Variants in ABCC11 observed in about 807,000 individuals in gnomAD.
The protein encoded by ABCC11 is ATP binding cassette subfamily C member 11, also known as ATP-binding cassette sub-family C member 11.
ABCC11 carries 135 observed loss-of-function variants against 149.3 expected under a neutral mutation model. That is an observed-to-expected ratio of 0.90 (90% confidence interval 0.79 to 1.04). The LOEUF is 1.04. Among genes scored for constraint, ABCC11 ranks in the 50% least tolerant of loss-of-function variants. The pLI is 0.00. For synonymous variants in ABCC11, 665 were observed against 671.4 expected (o/e 0.99, Z 0.15); for missense variants, 1,680 against 1,722.1 (o/e 0.98, Z 0.43).
At chr16:48,230,338 A>T in intron 3 of ABCC11, 99 bp downstream of exon 3, 7 of 1,402,530 alleles carry the variant, frequency 5.0e-6, no homozygotes, top group Non-Finnish European at 6.6e-6. Flanking sequence ...CTGTGTAGGG[A>T]TGTAGTTATG....
chr16:48,191,907 C>A (rs1013423743), intron 20 of ABCC11, among the ~76,000 whole-genome samples: 15 of 151,988 alleles, frequency 9.9e-5, no homozygotes, highest in African/African-American at 3.6e-4. Context: ...TGCAGCACAC[C>A]AACATGGCAC....
Position 48,227,972 on chromosome 16 carries a change from A to G in ABCC11, c.237-8T>C. 1 of 1,602,810 alleles carries G rather than the reference A, an allele frequency of 6.2e-7. No homozygotes were observed. Among genetic ancestry groups the G allele is most frequent in the Non-Finnish European group, 8.5e-7 (1 of 1,174,198 alleles). On this transcript the variant is annotated splice_region_variant and splice_polypyrimidine_tract_variant and intron_variant, in intron 3 of 29. Transcript: ENST00000356608. ...GGCTGGGGGGCAGGAAACCTAGTAG[A>G]GGGGCCACAAGGATAAGAATGAATT... is the stretch of plus-strand genomic sequence containing the variant.
chr16:48,205,341 C>T (rs1290534672), intron 13 of ABCC11, 72 bp downstream of exon 13: 9 of 1,588,430 alleles, frequency 5.7e-6, no homozygotes, highest in Middle Eastern at 1.7e-4. Flanking sequence ...GTCAGGTTAC[C>T]GTTTGAAGCT....
At chr16:48,242,557 A>G (rs1471870884) in intron 1 of ABCC11, among the ~76,000 whole-genome samples, 1 of 152,184 alleles carries the variant, frequency 6.6e-6, no homozygotes, top group African/African-American at 2.4e-5. Context: ...TATATACCCA[A>G]AGGATTATAA....
chr16:48,181,641 C>T (rs936029338), intron 23 of ABCC11, among the ~76,000 whole-genome samples: 3 of 149,670 alleles, frequency 2.0e-5, no homozygotes, highest in African/African-American at 4.9e-5. Context: ...GATGGAGTCT[C>T]GCTCTGTCAC....
chr16:48,222,647 A>G lies in ABCC11; in HGVS notation c.728T>C (p.Phe243Ser). Residue 243 changes from phenylalanine to serine, a missense_variant, in exon 6 of 30, where the codon TTT (phenylalanine) becomes TCT (serine). By Grantham distance (155) the Phe-to-Ser change is radical (BLOSUM62 -2). Coordinates refer to ENST00000356608, the MANE Select transcript of ABCC11 (RefSeq NM_001370497.1). ...AGACTTAAATTGGATGAGCTTCTCAAAGGCAAAGGAGGAAACAGCTGCTCG... is the reference window on the plus strand; with the variant it reads ...AGACTTAAATTGGATGAGCTTCTCAGAGGCAAAGGAGGAAACAGCTGCTCG... Reference protein sequence around the residue: ...RFRAAVSSFAFEKLIQFKSVI... With the variant: ...RFRAAVSSFASEKLIQFKSVI... 6.2e-7 allele frequency: 1 copy of G among 1,614,186 alleles called. No individual in the cohort carries two copies. The highest frequency in any genetic ancestry group is 8.5e-7 in the Non-Finnish European group (1 of 1,180,038).
At chr16:48,203,184 A>G (rs1968142704) in intron 14 of ABCC11, 44 bp downstream of exon 14, 2 of 1,515,286 alleles carry the variant, frequency 1.3e-6, no homozygotes, top group African/African-American at 2.8e-5. Flanking sequence ...TGAACATAAG[A>G]GCACCAACAT....
chr16:48,190,645 G>T (rs747951404), intron 20 of ABCC11, among the ~76,000 whole-genome samples: 1 of 152,196 alleles, frequency 6.6e-6, no homozygotes, highest in African/African-American at 2.4e-5. Flanking sequence ...GATTCCAGGC[G>T]TGAGCTACTG....
chr16:48,196,879 G>C (rs577405323), intron 17 of ABCC11, among the ~76,000 whole-genome samples: 9 of 152,156 alleles, frequency 5.9e-5, no homozygotes, highest in Non-Finnish European at 8.8e-5. Flanking sequence ...CAAACATCAC[G>C]ACAGTGACTG....
intron 25 of ABCC11, 35 bp downstream of exon 25, chr16:48,176,889 G>C: frequency 6.2e-7 from 1 of 1,603,752 alleles, no homozygotes; most frequent in Non-Finnish European, 8.5e-7. Context: ...GGCAAAGGAG[G>C]AGCTGGGGAC....
At chr16:48,175,984 C>T (rs1966043704) in intron 25 of ABCC11, 1 of 150,666 alleles carries the variant, frequency 6.6e-6, no homozygotes, top group Admixed American at 6.7e-5. Flanking sequence ...AGGGTAGAAG[C>T]TGTGTGTCTT....
intron 20 of ABCC11, among the ~76,000 whole-genome samples, chr16:48,190,364 T>A (rs1331747850): frequency 7.2e-6 from 1 of 138,066 alleles, no homozygotes; most frequent in African/African-American, 2.7e-5. Context: ...AGCAATTTGG[T>A]TTTTTTTTTT....
At position 48,186,673 on chromosome 16, in the gene ABCC11, C is replaced by A. The variant is rs968493384; in HGVS notation, c.3071+280G>T. Reference sequence around the variant, plus strand: ...CAAGATGTGTTTGCACAGTAATGCACCTTATCATTAAATGTATGTATACAT... The same window carrying A: ...CAAGATGTGTTTGCACAGTAATGCAACTTATCATTAAATGTATGTATACAT... On this transcript the variant is annotated intron_variant, in intron 22 of 29. Coordinates refer to ENST00000356608, the MANE Select transcript of ABCC11 (RefSeq NM_001370497.1). Among the ~76,000 whole-genome samples, 67 of 152,120 alleles carry A rather than the reference C, an allele frequency of 4.4e-4. 1 individual carries two copies. Among genetic ancestry groups the A allele is most frequent in the Non-Finnish European group, 1.5e-4 (10 of 68,026 alleles).
At chr16:48,222,962 T>A in intron 5 of ABCC11, 131 bp from the exon 6 acceptor site, 1 of 772,386 alleles carries the variant, frequency 1.3e-6, no homozygotes, top group Non-Finnish European at 2.1e-6. Flanking sequence ...CTGACTCAAG[T>A]ACAATCCTGC....
At chr16:48,207,695 A>G (rs1376411991) in intron 12 of ABCC11, among the ~76,000 whole-genome samples, 1 of 151,896 alleles carries the variant, frequency 6.6e-6, no homozygotes, top group Non-Finnish European at 1.5e-5. Flanking sequence ...GAAGGGAAGG[A>G]AAGGGAAGGG....
chr16:48,233,395 T>C (rs541125398), intron 1 of ABCC11, among the ~76,000 whole-genome samples: 13 of 152,286 alleles, frequency 8.5e-5, no homozygotes, highest in Middle Eastern at 6.8e-3. Context: ...CCATATAAGA[T>C]AGGCTTCCCA....
chr16:48,192,400 T>C, intron 20 of ABCC11, 120 bp downstream of exon 20: 3 of 1,104,216 alleles, frequency 2.7e-6, no homozygotes, highest in Non-Finnish European at 3.8e-6. Flanking sequence ...GTGGAGATTG[T>C]GCCACTGCAC....
rs1223101668 is a variant in ABCC11 at position 48,247,377 on chromosome 16, T to G, written c.-82A>C. ...GCTCTGTTCCTTTCTCTTGTTTCCT[T>G]TGCGCTATCCAGGTGACGCTGGCAC... On this transcript the variant is annotated 5_prime_UTR_variant, in exon 1 of 30. Coordinates refer to ENST00000356608, the MANE Select transcript of ABCC11 (RefSeq NM_001370497.1). The G allele has an allele frequency of 1.3e-5, 2 of 152,508 alleles. No homozygotes were observed. The highest frequency in any genetic ancestry group is 2.9e-5 in the Non-Finnish European group (2 of 68,204). 9.4% of individuals were successfully genotyped at this position (152,508 alleles called of 1,614,324 possible).
chr16:48,176,747 T>C (rs1176788618), intron 25 of ABCC11, among the ~76,000 whole-genome samples, 177 bp downstream of exon 25: 1 of 152,202 alleles, frequency 6.6e-6, no homozygotes, highest in African/African-American at 2.4e-5. Context: ...TGGAATCCCA[T>C]GATCACAGGG....
Sources: allele counts gnomAD v4.1 joint callset (sites outside exome capture counted in the v4.1 genomes callset), GRCh38; gene constraint gnomAD v4.1.1; transcripts MANE v1.5; gene names NCBI Gene and HGNC (gene_info 2026-07-23, HGNC 2026-07-21).